SOX5: variants seen among roughly 807,000 people sequenced by gnomAD.
SOX5 encodes the protein SRY-box transcription factor 5.
Under a neutral mutation model 92.0 loss-of-function variants are expected in SOX5, and 9 were observed. That is an observed-to-expected ratio of 0.10 (90% confidence interval 0.06 to 0.17). The LOEUF is 0.17. Among genes scored for constraint, SOX5 ranks in the 10% least tolerant of loss-of-function variants. SOX5 has a pLI of 1.00. For synonymous variants in SOX5, 344 were observed against 336.3 expected (o/e 1.02, Z -0.25); for missense variants, 642 against 944.5 (o/e 0.68, Z 4.20).
chr12:24,511,406 T>C (rs1949289376), intron 1 of SOX5, among the ~76,000 whole-genome samples: 2 of 152,212 alleles, frequency 1.3e-5, no homozygotes, highest in East Asian at 1.9e-4. Flanking sequence ...TTATATGGCA[T>C]TAACATGGGA....
chr12:23,535,260 G>A (rs1315089581), intron 14 of SOX5, among the ~76,000 whole-genome samples: 1 of 152,118 alleles, frequency 6.6e-6, no homozygotes, highest in East Asian at 1.9e-4. Flanking sequence ...AAGCATTAGA[G>A]TTCTCAAAAT....
At chr12:24,424,238 C>G (rs1966366846) in intron 1 of SOX5, among the ~76,000 whole-genome samples, 2 of 152,078 alleles carry the variant, frequency 1.3e-5, no homozygotes, top group Admixed American at 1.3e-4. Context: ...GTCTAGCTTC[C>G]TGAGTTTTTT....
chr12:23,643,359 G>A (rs1296265654), intron 7 of SOX5, among the ~76,000 whole-genome samples: 1 of 152,158 alleles, frequency 6.6e-6, no homozygotes, highest in African/African-American at 2.4e-5. Context: ...TGCGGGGAAG[G>A]AACAAAGAGT....
intron 2 of SOX5, among the ~76,000 whole-genome samples, chr12:23,890,093 G>T (rs1397404298): frequency 6.6e-6 from 1 of 152,188 alleles, no homozygotes; most frequent in African/African-American, 2.4e-5. Context: ...GGCAAGGCGG[G>T]CGGATTACCT....
intron 1 of SOX5, among the ~76,000 whole-genome samples, chr12:24,530,496 C>CA (rs1951094722): frequency 1.3e-5 from 2 of 152,026 alleles, no homozygotes; most frequent in African/African-American, 2.4e-5. Context: ...ACTAAACATA[C>CA]AAAAAATTTA....
chr12:24,360,232 C>T (rs544689234), intron 2 of SOX5, among the ~76,000 whole-genome samples: 2 of 152,196 alleles, frequency 1.3e-5, no homozygotes, highest in East Asian at 1.9e-4. Flanking sequence ...GTCACTATTC[C>T]CTTATATAAA....
chr12:24,345,358 C>T (rs556682658), intron 2 of SOX5, among the ~76,000 whole-genome samples: 1 of 152,328 alleles, frequency 6.6e-6, no homozygotes, highest in South Asian at 2.1e-4. Context: ...CCTACACCAA[C>T]TTCCAAGCCA....
intron 2 of SOX5, among the ~76,000 whole-genome samples, chr12:24,356,768 G>A (rs987388650): frequency 2.6e-5 from 4 of 152,010 alleles, no homozygotes; most frequent in African/African-American, 9.7e-5. Flanking sequence ...TGTAAAAGCT[G>A]ATTATTTTCC....
intron 2 of SOX5, among the ~76,000 whole-genome samples, chr12:24,289,677 G>A (rs1293118554): frequency 8.2e-6 from 1 of 121,494 alleles, no homozygotes; most frequent in South Asian, 2.4e-4. Context: ...GGATGGTCTC[G>A]ATCTCCTGAC....
chr12:23,546,162 T>C (rs1457612157), intron 12 of SOX5, among the ~76,000 whole-genome samples, 154 bp downstream of exon 12: 2 of 152,054 alleles, frequency 1.3e-5, no homozygotes, highest in African/African-American at 4.8e-5. Flanking sequence ...CTCAGCAGAG[T>C]GCTTGGCACA....
At chr12:23,944,308 C>T (rs1232820567) in intron 1 of SOX5, 1 of 152,044 alleles carries the variant, frequency 6.6e-6, no homozygotes, top group Non-Finnish European at 1.5e-5. Context: ...GGAGGGAGTA[C>T]TGCTGAGGTT....
intron 1 of SOX5, among the ~76,000 whole-genome samples, chr12:24,464,122 T>G (rs2418176): frequency 0.26 from 39,049 of 152,078 alleles, 5,944 homozygotes; most frequent in East Asian, 0.67. Context: ...ATTTGGAATC[T>G]GTACCCTGGG....
chr12:23,918,778 G>C (rs780758228), intron 1 of SOX5, among the ~76,000 whole-genome samples: 1 of 152,042 alleles, frequency 6.6e-6, no homozygotes, highest in Non-Finnish European at 1.5e-5. Context: ...TTAGCCAGGC[G>C]TGGTGGCACA....
intron 1 of SOX5, among the ~76,000 whole-genome samples, chr12:24,475,422 A>G (rs1945257114): frequency 6.6e-6 from 1 of 152,206 alleles, no homozygotes; most frequent in Non-Finnish European, 1.5e-5. Context: ...AGCACCTAGC[A>G]CAGTATCTTA....
At chr12:23,693,947 A>C (rs1222254392) in intron 6 of SOX5, among the ~76,000 whole-genome samples, 1 of 152,206 alleles carries the variant, frequency 6.6e-6, no homozygotes, top group Non-Finnish European at 1.5e-5. Context: ...TTATTTAAGT[A>C]AAGATATCCG....
chr12:24,166,690 C>A (rs1242321481), intron 4 of SOX5, among the ~76,000 whole-genome samples: 1 of 152,176 alleles, frequency 6.6e-6, no homozygotes, highest in Non-Finnish European at 1.5e-5. Flanking sequence ...TACTATCACC[C>A]AAAATCATGT....
rs986269593 is a variant in SOX5, at chr12:23,531,031, C to T, written c.*3188G>A. ...TCCTTTACCAAAATTATAAATCAAC[C>T]AATGCCAAAAAGGCAATGTAGTAAC... On this transcript the variant is annotated 3_prime_UTR_variant, in exon 15 of 15. Coordinates refer to ENST00000451604, the MANE Select transcript of SOX5 (RefSeq NM_006940.6). 6.6e-6 allele frequency: 1 copy of T among 151,984 alleles called. No individual in the cohort carries two copies. The highest frequency in any genetic ancestry group is 1.5e-5 in the Non-Finnish European group (1 of 67,996). 9.4% of individuals were successfully genotyped at this position (151,984 alleles called of 1,614,324 possible). A position where few individuals can be genotyped will look rare whatever the true frequency, so the allele number is the denominator to read the frequency against.
intron 4 of SOX5, among the ~76,000 whole-genome samples, chr12:24,150,911 A>T (rs1315111144): frequency 6.6e-6 from 1 of 152,122 alleles, no homozygotes; most frequent in African/African-American, 2.4e-5. Context: ...TTGATCAATG[A>T]AACAAAGGCT....
At chr12:24,223,920 G>A (rs138854517) in intron 3 of SOX5, among the ~76,000 whole-genome samples, 26 of 152,338 alleles carry the variant, frequency 1.7e-4, no homozygotes, top group African/African-American at 6.3e-4. Context: ...AAGAGAACTG[G>A]ACGCAATTCT....
Sources: gnomAD v4.1 joint callset for allele counts (sites outside exome capture counted in the v4.1 genomes callset) on GRCh38, gnomAD v4.1.1 for gene constraint, MANE v1.5 for transcripts, NCBI Gene and HGNC (gene_info 2026-07-23, HGNC 2026-07-21) for gene names.